Variants in JMJD1C observed in about 807,000 individuals in gnomAD.
The protein encoded by JMJD1C is jumonji domain-containing protein 1C.
A neutral mutation model predicts 245.3 loss-of-function variants in JMJD1C; 31 were observed. That is an observed-to-expected ratio of 0.13 (90% CI 0.09 to 0.17). JMJD1C has a LOEUF of 0.17. Ranked by LOEUF, JMJD1C falls within the 10% of genes least tolerant of loss-of-function variation. The probability of loss-of-function intolerance (pLI) is 1.00; values close to 1 mark genes in which losing one functional copy is unlikely to be tolerated. For missense variants in JMJD1C, 2,691 were observed against 3,000.2 expected, an observed-to-expected ratio of 0.90 and a Z score of 2.41; for synonymous variants, 1,057 against 1,017.4, an observed-to-expected ratio of 1.04 and a Z score of -0.74.
chr10:63,357,830 C>CAT (rs1407819046), intron 2 of JMJD1C, among the ~76,000 whole-genome samples: 3 of 21,560 alleles, frequency 1.4e-4, no homozygotes, highest in Admixed American at 3.0e-4. Context: ...CAGACAGACA[C>CAT]ACACACACAC....
intron 2 of JMJD1C, among the ~76,000 whole-genome samples, chr10:63,324,570 AT>A (rs770323758): frequency 4.6e-5 from 7 of 152,208 alleles, no homozygotes; most frequent in Non-Finnish European, 1.0e-4. Context: ...AATTAAACAG[AT>A]TCCTTCATTC....
intron 2 of JMJD1C, among the ~76,000 whole-genome samples, chr10:63,266,182 G>T (rs554403270): frequency 6.6e-6 from 1 of 151,668 alleles, no homozygotes; most frequent in African/African-American, 2.4e-5. Flanking sequence ...ACTTATTTTC[G>T]ATATTTAAGA....
intron 3 of JMJD1C, among the ~76,000 whole-genome samples, chr10:63,256,544 CCTA>C (rs1224848205): frequency 6.6e-6 from 1 of 152,136 alleles, no homozygotes; most frequent in Non-Finnish European, 1.5e-5. Context: ...TGTTGTCCAT[CCTA>C]CTATCGAGGC....
chr10:63,268,659 G>A (rs767876492), intron 2 of JMJD1C: 254 of 959,838 alleles, frequency 2.6e-4, no homozygotes, highest in Non-Finnish European at 2.5e-4. Flanking sequence ...AATACAAACC[G>A]TACTTTGTTC....
At chr10:63,363,829 G>C (rs887037178) in intron 2 of JMJD1C, among the ~76,000 whole-genome samples, 3 of 150,616 alleles carry the variant, frequency 2.0e-5, no homozygotes, top group African/African-American at 7.3e-5. Context: ...TGGGACTATA[G>C]GTACACGCCA....
chr10:63,466,149 G>GGCGGCGGCA (rs1554947678), upstream of JMJD1C: 453 of 188,336 alleles, frequency 2.4e-3, 5 homozygotes, highest in South Asian at 0.021. Flanking sequence ...AGGCGGCGGC[G>GGCGGCGGCA]GCGGCGGCAG....
chr10:63,170,607 G>GT (rs1471070868), intron 24 of JMJD1C, among the ~76,000 whole-genome samples: 2 of 152,186 alleles, frequency 1.3e-5, no homozygotes, highest in East Asian at 3.8e-4. Flanking sequence ...GGTTGCTGTT[G>GT]TAAGTTTTCA....
At chr10:63,309,992 A>C (rs1413451380) in intron 2 of JMJD1C, among the ~76,000 whole-genome samples, 1 of 152,218 alleles carries the variant, frequency 6.6e-6, no homozygotes, top group Non-Finnish European at 1.5e-5. Flanking sequence ...ACAAAAGATC[A>C]CGTCACAATA....
chr10:63,183,996 C>T (rs967273227), intron 21 of JMJD1C, among the ~76,000 whole-genome samples: 3 of 152,074 alleles, frequency 2.0e-5, no homozygotes, highest in Non-Finnish European at 4.4e-5. Context: ...GGCATGATCT[C>T]GACTCACTGC....
intron 2 of JMJD1C, among the ~76,000 whole-genome samples, chr10:63,321,089 G>A (rs184977596): frequency 6.6e-6 from 1 of 152,302 alleles, no homozygotes; most frequent in East Asian, 1.9e-4. Context: ...ACACATCCAC[G>A]TGCCAGGTGG....
chr10:63,405,028 T>C (rs1464597476), intron 1 of JMJD1C, among the ~76,000 whole-genome samples: 2 of 152,222 alleles, frequency 1.3e-5, no homozygotes, highest in African/African-American at 4.8e-5. Context: ...ACTACAATTA[T>C]ATTTCAAACA....
At chr10:63,260,022 C>T (rs1854492270) in intron 3 of JMJD1C, among the ~76,000 whole-genome samples, 1 of 152,108 alleles carries the variant, frequency 6.6e-6, no homozygotes, top group Admixed American at 6.5e-5. Context: ...TTGCCTCAGC[C>T]TCCAGAGTAG....
intron 1 of JMJD1C, among the ~76,000 whole-genome samples, chr10:63,444,935 A>G (rs898830056): frequency 8.5e-5 from 13 of 152,182 alleles, no homozygotes; most frequent in Non-Finnish European, 1.8e-4. Flanking sequence ...TGACAGAAAT[A>G]AGAGACAAGG....
intron 1 of JMJD1C, among the ~76,000 whole-genome samples, chr10:63,407,220 A>G (rs1949221472): frequency 6.6e-6 from 1 of 152,208 alleles, no homozygotes; most frequent in Admixed American, 6.5e-5. Context: ...ATGGTACGAA[A>G]AAAAGGTTTA....
At chr10:63,485,301 C>G (rs1318577642) in intron 1 of JMJD1C, among the ~76,000 whole-genome samples, 1 of 152,170 alleles carries the variant, frequency 6.6e-6, no homozygotes, top group East Asian at 1.9e-4. Flanking sequence ...GAAATACTTA[C>G]TGTGCTCTCC....
intron 1 of JMJD1C, among the ~76,000 whole-genome samples, chr10:63,444,751 G>A (rs563180365): frequency 1.9e-4 from 29 of 151,590 alleles, no homozygotes; most frequent in African/African-American, 6.8e-4. Context: ...TCAGCCTCCT[G>A]AGAAGCTGGC....
At chr10:63,196,688 A>G (rs1845499495) in intron 13 of JMJD1C, among the ~76,000 whole-genome samples, 1 of 152,238 alleles carries the variant, frequency 6.6e-6, no homozygotes, top group South Asian at 2.1e-4. Flanking sequence ...CACAATATTA[A>G]TCCTCTTATT....
intron 1 of JMJD1C, among the ~76,000 whole-genome samples, chr10:63,510,152 C>T (rs574469777): frequency 5.3e-5 from 8 of 151,912 alleles, no homozygotes; most frequent in African/African-American, 1.9e-4. Context: ...TACAGGCACC[C>T]ACCACCACGC....
chr10:63,453,025 A>G (rs1218858748), intron 1 of JMJD1C, among the ~76,000 whole-genome samples: 1 of 152,226 alleles, frequency 6.6e-6, no homozygotes, highest in Non-Finnish European at 1.5e-5. Context: ...CTGTAATCCC[A>G]GCACTTTGGG....
Sources: allele counts gnomAD v4.1 joint callset (sites outside exome capture counted in the v4.1 genomes callset), GRCh38; gene constraint gnomAD v4.1.1; transcripts MANE v1.5; gene names NCBI Gene and HGNC (gene_info 2026-07-23, HGNC 2026-07-21).